The following MGAT4C variants were observed in gnomAD, a reference collection of about 807,000 sequenced individuals.
The protein encoded by MGAT4C is MGAT4 family member C, also known as alpha-1,3-mannosyl-glycoprotein 4-beta-N-acetylglucosaminyltransferase C.
In MGAT4C, 19 loss-of-function variants were observed where a neutral mutation model predicts 40.1. The observed-to-expected ratio is 0.47, with a 90% CI of 0.33 to 0.70. MGAT4C has a LOEUF of 0.70. MGAT4C is among the 30% of genes least tolerant of loss of function. MGAT4C has a pLI of 0.02. For synonymous variants in MGAT4C, 181 were observed against 187.1 expected (o/e 0.97, Z 0.27); for missense variants, 491 against 563.2 (o/e 0.87, Z 1.30).
chr12:86,315,031 C>G (rs1286750007), intron 4 of MGAT4C, among the ~76,000 whole-genome samples: 1 of 151,100 alleles, frequency 6.6e-6, no homozygotes, highest in African/African-American at 2.4e-5. Context: ...AAAAACAAGC[C>G]TGAATAGCCA....
chr12:86,102,882 T>A lies in MGAT4C; in HGVS notation c.-56-53159A>T, dbSNP rs970905520. ...AGCCATTTAAATTTAATAATTCTTA[T>A]TTTTTTTGCAACATGCAATAGAGAA... is the stretch of plus-strand genomic sequence containing the variant. On this transcript the variant is annotated intron_variant, in intron 1 of 4. Coordinates refer to ENST00000611864, the MANE Select transcript of MGAT4C (RefSeq NM_001351288.2). 6.6e-5 allele frequency among the ~76,000 whole-genome samples: 10 copies of A among 150,864 alleles called. No individual in the cohort carries two copies. In the South Asian group the frequency reaches 1.1e-3, roughly 16 times the overall value.
chr12:86,629,383 C>A (rs1038662414), intron 2 of MGAT4C, among the ~76,000 whole-genome samples: 3 of 152,138 alleles, frequency 2.0e-5, no homozygotes, highest in African/African-American at 7.2e-5. Flanking sequence ...GACTTGAACT[C>A]AGGTCTGCAA....
At chr12:86,012,966 TTA>T (rs1888657514) in intron 2 of MGAT4C, among the ~76,000 whole-genome samples, 1 of 117,448 alleles carries the variant, frequency 8.5e-6, no homozygotes, top group Non-Finnish European at 1.9e-5. Flanking sequence ...TCCACGAAAA[TTA>T]AAAAAAAAAA....
intron 2 of MGAT4C, among the ~76,000 whole-genome samples, chr12:86,519,134 A>G (rs1958747708): frequency 6.6e-6 from 1 of 152,186 alleles, no homozygotes; most frequent in African/African-American, 2.4e-5. Flanking sequence ...GCTCAAGTGC[A>G]TAAAATTCAT....
chr12:86,309,954 G>A (rs1449123524), intron 4 of MGAT4C, among the ~76,000 whole-genome samples: 1 of 152,000 alleles, frequency 6.6e-6, no homozygotes, highest in Non-Finnish European at 1.5e-5. Context: ...ATTGGTAGGA[G>A]AAGGAGAAGG....
chr12:86,482,209 A>T (rs1420892304), intron 2 of MGAT4C, among the ~76,000 whole-genome samples: 2 of 150,376 alleles, frequency 1.3e-5, no homozygotes, highest in Admixed American at 6.7e-5. Context: ...TTCCACTTCT[A>T]CAAACAAACA....
At chr12:86,272,846 C>T (rs1200572798) in intron 4 of MGAT4C, among the ~76,000 whole-genome samples, 1 of 152,010 alleles carries the variant, frequency 6.6e-6, no homozygotes, top group African/African-American at 2.4e-5. Context: ...AAGTGAGACC[C>T]TGTCTCAAAT....
At chr12:86,522,982 A>C (rs1958820795) in intron 2 of MGAT4C, among the ~76,000 whole-genome samples, 3 of 150,350 alleles carry the variant, frequency 2.0e-5, no homozygotes, top group African/African-American at 7.3e-5. Context: ...GTTTATCTGG[A>C]TCTCTCTTTT....
chr12:86,465,237 A>G (rs1474843310), intron 2 of MGAT4C, among the ~76,000 whole-genome samples: 2 of 152,186 alleles, frequency 1.3e-5, no homozygotes, highest in Admixed American at 1.3e-4. Context: ...AAAATGGATA[A>G]CAGACCTAAA....
chr12:86,098,722 C>A (rs1874386204), intron 1 of MGAT4C, among the ~76,000 whole-genome samples: 1 of 151,532 alleles, frequency 6.6e-6, no homozygotes, highest in Admixed American at 6.6e-5. Context: ...TGTATGTGTG[C>A]ACATACATAA....
At chr12:86,454,542 T>C (rs1160725687) in intron 2 of MGAT4C, among the ~76,000 whole-genome samples, 2 of 152,008 alleles carry the variant, frequency 1.3e-5, no homozygotes, top group South Asian at 2.1e-4. Flanking sequence ...TATGTAACTA[T>C]ATAAAAACAT....
At chr12:86,361,215 G>C (rs1047078101) in intron 3 of MGAT4C, among the ~76,000 whole-genome samples, 3 of 152,130 alleles carry the variant, frequency 2.0e-5, no homozygotes, top group African/African-American at 4.8e-5. Context: ...TGACAAACCT[G>C]ACAAAAACAA....
chr12:86,664,861 CT>C (rs1028111677), intron 2 of MGAT4C, among the ~76,000 whole-genome samples: 5 of 151,926 alleles, frequency 3.3e-5, no homozygotes, highest in East Asian at 3.9e-4. Context: ...TATAAACTAA[CT>C]TTTTTTTGGA....
At chr12:86,681,221 T>A (rs1359469393) in intron 2 of MGAT4C, among the ~76,000 whole-genome samples, 3 of 152,032 alleles carry the variant, frequency 2.0e-5, no homozygotes, top group Non-Finnish European at 4.4e-5. Flanking sequence ...AGAAATAGCC[T>A]CTGAAGTAAC....
intron 1 of MGAT4C, among the ~76,000 whole-genome samples, chr12:86,208,120 T>C (rs1421358193): frequency 6.6e-6 from 1 of 152,156 alleles, no homozygotes; most frequent in Non-Finnish European, 1.5e-5. Context: ...AGAATCCAGA[T>C]GGCCTAATCA....
At chr12:86,683,059 T>C (rs897665443) in intron 2 of MGAT4C, among the ~76,000 whole-genome samples, 7 of 152,168 alleles carry the variant, frequency 4.6e-5, no homozygotes, top group Non-Finnish European at 7.4e-5. Context: ...CTGAGCAGGA[T>C]GTCTTTGGAT....
chr12:86,666,653 T>C (rs1964114876), intron 2 of MGAT4C, among the ~76,000 whole-genome samples: 1 of 152,190 alleles, frequency 6.6e-6, no homozygotes, highest in South Asian at 2.1e-4. Flanking sequence ...CCCACAAATG[T>C]TTTTGCCAAT....
In MGAT4C at chr12:85,960,910, T is replaced by C. The variant is rs2136642009; in HGVS notation, c.*18379A>G. 2 of 152,134 alleles carry C rather than the reference T, an allele frequency of 1.3e-5. No homozygotes were observed. The highest frequency in any genetic ancestry group is 3.9e-4 in the East Asian group (2 of 5,186). The allele number at this position is 152,134 out of a possible 1,614,324, so 9.4% of individuals were successfully genotyped here. A position where few individuals can be genotyped will look rare whatever the true frequency, so the allele number is the denominator to read the frequency against. The stretch of plus-strand genomic sequence containing the variant: ...TGTTTGGCACTTTATTTTATAAAAC[T>C]ACCCTTTACTTAAAATAAATCATTG... On this transcript the variant is annotated 3_prime_UTR_variant, in exon 5 of 5. Transcript: ENST00000611864.
In MGAT4C at chr12:85,957,657, C is replaced by CAAAAAAAAAAAA. The variant is rs5799763; in HGVS notation, c.*21620_*21631dup. Reference sequence around the variant, plus strand: ...TTTACTGTAGAGTTGAATAAGAAAGCAAAAAAAAAAAAAAAAGAAAAAAGA... The same window carrying CAAAAAAAAAAAA: ...TTTACTGTAGAGTTGAATAAGAAAGCAAAAAAAAAAAAAAAAAAAAAAAAAAAAGAAAAAAGA... On this transcript the variant is annotated 3_prime_UTR_variant, in exon 5 of 5. Coordinates refer to ENST00000611864, the MANE Select transcript of MGAT4C (RefSeq NM_001351288.2). The CAAAAAAAAAAAA allele has an allele frequency of 1.0e-3, 103 of 101,238 alleles. No individual in the cohort carries two copies. The highest frequency in any genetic ancestry group is 1.5e-3 in the Non-Finnish European group (81 of 52,708). The allele number at this position is 101,238 out of a possible 1,614,324, so 6.3% of individuals were successfully genotyped here. A position where few individuals can be genotyped will look rare whatever the true frequency, so the allele number is the denominator to read the frequency against.
Sources: allele counts gnomAD v4.1 joint callset (sites outside exome capture counted in the v4.1 genomes callset), GRCh38; gene constraint gnomAD v4.1.1; transcripts MANE v1.5; gene names NCBI Gene and HGNC (gene_info 2026-07-23, HGNC 2026-07-21).